DENND4A: variants seen among roughly 807,000 people sequenced by gnomAD.
DENND4A encodes C-myc promoter-binding protein.
DENND4A carries 70 observed loss-of-function variants against 199.3 expected under a neutral mutation model. That is an observed-to-expected ratio of 0.35 (90% confidence interval 0.29 to 0.43). DENND4A has a LOEUF of 0.43. Ranked by LOEUF, DENND4A falls within the 20% of genes least tolerant of loss-of-function variation. DENND4A has a pLI of 1.00. For synonymous variants in DENND4A, 686 were observed against 766.9 expected, an observed-to-expected ratio of 0.89 and a Z score of 1.74; for missense variants, 1,723 against 2,255.8, an observed-to-expected ratio of 0.76 and a Z score of 4.78.
intron 5 of DENND4A, 82 bp downstream of exon 5, chr15:65,741,633 C>G: frequency 9.0e-7 from 1 of 1,109,852 alleles, no homozygotes; most frequent in Admixed American, 1.9e-5. Flanking sequence ...CTAACACAGA[C>G]TAGGCAGGTT....
chr15:65,731,728 T>G (rs377630566), intron 8 of DENND4A, 28 bp from the exon 9 acceptor site: 5 of 1,490,108 alleles, frequency 3.4e-6, no homozygotes, highest in Non-Finnish European at 4.5e-6. Context: ...ATAAAGAATT[T>G]GAAACATAAA....
intron 19 of DENND4A, 126 bp from the exon 20 acceptor site, chr15:65,700,801 C>T: frequency 9.5e-7 from 1 of 1,052,782 alleles, no homozygotes. Flanking sequence ...TAGCAAAATA[C>T]AACTATAACA....
chr15:65,714,727 A>G (rs1413708976), intron 14 of DENND4A, among the ~76,000 whole-genome samples: 4 of 152,178 alleles, frequency 2.6e-5, no homozygotes, highest in Admixed American at 2.6e-4. Context: ...TGCTCTTCTC[A>G]TCCTGTTTAG....
chr15:65,675,448 A>G (rs1389493996), intron 24 of DENND4A, among the ~76,000 whole-genome samples: 1 of 152,108 alleles, frequency 6.6e-6, no homozygotes, highest in Non-Finnish European at 1.5e-5. Flanking sequence ...ATAGAATTTA[A>G]AACTTACATA....
intron 30 of DENND4A, 62 bp downstream of exon 30, chr15:65,665,283 A>G: frequency 7.5e-7 from 1 of 1,336,942 alleles, no homozygotes; most frequent in Non-Finnish European, 1.1e-6. Flanking sequence ...GGTTTATGCT[A>G]TTTAAAGCTA....
intron 29 of DENND4A, among the ~76,000 whole-genome samples, chr15:65,666,438 AG>A (rs2076041055): frequency 6.6e-6 from 1 of 152,214 alleles, no homozygotes; most frequent in Non-Finnish European, 1.5e-5. Context: ...TTCACATCCC[AG>A]ATGGGACAGC....
At chr15:65,727,181 G>A (rs1362246590) in intron 11 of DENND4A, among the ~76,000 whole-genome samples, 10 of 151,642 alleles carry the variant, frequency 6.6e-5, no homozygotes, top group Non-Finnish European at 8.8e-5. Context: ...GACCGGGCGC[G>A]GTGGCTCACA....
chr15:65,715,653 T>C (rs1394118945), intron 13 of DENND4A, 30 bp from the exon 14 acceptor site: 2 of 1,508,400 alleles, frequency 1.3e-6, no homozygotes, highest in African/African-American at 2.8e-5. Context: ...AATGTCAGAA[T>C]ACATAATATC....
intron 23 of DENND4A, among the ~76,000 whole-genome samples, chr15:65,681,614 T>C (rs1160820613): frequency 2.6e-5 from 4 of 151,092 alleles, no homozygotes; most frequent in Admixed American, 6.6e-5. Context: ...TATAATTCTG[T>C]CAGCCAGGCT....
chr15:65,711,790 A>G (rs2075259415), intron 14 of DENND4A, among the ~76,000 whole-genome samples: 1 of 152,194 alleles, frequency 6.6e-6, no homozygotes, highest in African/African-American at 2.4e-5. Flanking sequence ...AGTGGTTAGC[A>G]TATTATTCCA....
intron 1 of DENND4A, among the ~76,000 whole-genome samples, chr15:65,765,102 G>A (rs1014197402): frequency 9.9e-5 from 15 of 151,358 alleles, no homozygotes; most frequent in African/African-American, 3.6e-4. Flanking sequence ...TGAATTGTAC[G>A]AAAAAAAGAA....
chr15:65,766,186 G>A (rs2076980282), intron 1 of DENND4A, among the ~76,000 whole-genome samples: 1 of 150,204 alleles, frequency 6.7e-6, no homozygotes, highest in African/African-American at 2.4e-5. Flanking sequence ...GGGAAGCAGA[G>A]GTTGTGGTGA....
Position 65,702,449 on chromosome 15 carries a change from C to T in DENND4A, c.2286G>A (p.Arg762=). 6.3e-7 allele frequency: 1 copy of T among 1,597,396 alleles called. No homozygotes were observed. Among genetic ancestry groups the T allele is most frequent in the Non-Finnish European group, 8.5e-7 (1 of 1,171,772 alleles). The part of the protein sequence containing the change: ...RYSSIPQMWS[R]CLLRHCYGLW... Reference sequence around the variant, plus strand: ...GTCCATAACAGTGGCGCAGTAGACACCTAGACCACATCTGAGGGATGGAAG... The same window carrying T: ...GTCCATAACAGTGGCGCAGTAGACATCTAGACCACATCTGAGGGATGGAAG... The change falls in exon 17 of 33, where the codon AGG becomes AGA. Residue 762 remains arginine (R), a synonymous_variant. Transcript: ENST00000443035.
At chr15:65,760,936 T>C (rs2076837697) in intron 2 of DENND4A, among the ~76,000 whole-genome samples, 2 of 152,124 alleles carry the variant, frequency 1.3e-5, no homozygotes, top group Non-Finnish European at 2.9e-5. Context: ...CATGAAAACA[T>C]ATATTTAATA....
intron 1 of DENND4A, among the ~76,000 whole-genome samples, chr15:65,776,777 T>C (rs2140931458): frequency 6.6e-6 from 1 of 152,298 alleles, no homozygotes; most frequent in Non-Finnish European, 1.5e-5. Flanking sequence ...AGAAGACATG[T>C]CCATCCACGT....
At position 65,738,992 on chromosome 15, in the gene DENND4A, T is replaced by C. The variant is rs1052181414; in HGVS notation, c.632-117A>G. On this transcript the variant is annotated intron_variant, in intron 5 of 32. Transcript: ENST00000443035. ...ATTTGGAATGCCAAAGCATTATATATATGTTCATCAAATAACACTGAATAC... is the reference window on the plus strand; with the variant it reads ...ATTTGGAATGCCAAAGCATTATATACATGTTCATCAAATAACACTGAATAC... 7.4e-5 allele frequency: 54 copies of C among 730,432 alleles called. No homozygotes were observed. The African/African-American group carries it at 9.2e-4, about 12-fold the overall frequency. 45.2% of individuals were successfully genotyped at this position (730,432 alleles called of 1,614,324 possible). A position where few individuals can be genotyped will look rare whatever the true frequency, so the allele number is the denominator to read the frequency against.
intron 1 of DENND4A, among the ~76,000 whole-genome samples, chr15:65,765,370 G>T (rs1056079532): frequency 1.3e-5 from 2 of 152,212 alleles, no homozygotes; most frequent in African/African-American, 4.8e-5. Flanking sequence ...GCAGCTACAT[G>T]TGCTAAGCCA....
chr15:65,725,459 G>A (rs1445076237), intron 11 of DENND4A, among the ~76,000 whole-genome samples: 1 of 152,132 alleles, frequency 6.6e-6, no homozygotes, highest in Non-Finnish European at 1.5e-5. Context: ...GGCAGATCAT[G>A]AGGTCAGGAG....
At chr15:65,783,080 A>T (rs941321730) in intron 1 of DENND4A, among the ~76,000 whole-genome samples, 1 of 152,012 alleles carries the variant, frequency 6.6e-6, no homozygotes, top group Non-Finnish European at 1.5e-5. Flanking sequence ...ATTACCATGT[A>T]ATTTAGATCA....
Sources: gnomAD v4.1 joint callset for allele counts (sites outside exome capture counted in the v4.1 genomes callset) on GRCh38, gnomAD v4.1.1 for gene constraint, MANE v1.5 for transcripts, NCBI Gene and HGNC (gene_info 2026-07-23, HGNC 2026-07-21) for gene names.